The following IGLON5 variants were observed in gnomAD, a reference collection of about 807,000 sequenced individuals.
IGLON5 encodes Ig-like domain-containing protein ENSP00000270642.
A neutral mutation model predicts 38.2 loss-of-function variants in IGLON5; 16 were observed. The ratio of observed to expected loss-of-function variants is 0.42; its 90% CI spans 0.28 to 0.64. The LOEUF (loss-of-function observed/expected upper bound fraction) is 0.64. IGLON5 is among the 30% of genes least tolerant of loss of function. The pLI is 0.23. For missense variants in IGLON5, 366 were observed against 483.4 expected (o/e 0.76, Z 2.28); for synonymous variants, 207 against 216.4 (o/e 0.96, Z 0.38).
At position 51,327,634 on chromosome 19, in the gene IGLON5, G is replaced by C; in HGVS notation, c.768-98G>C. ...AGGCGATGGGTCACTGGGGTAGGGGGCAGAATGCTGGGTCACCGGGGAACG... is the reference window on the plus strand; with the variant it reads ...AGGCGATGGGTCACTGGGGTAGGGGCCAGAATGCTGGGTCACCGGGGAACG... On this transcript the variant is annotated intron_variant, in intron 6 of 7. Transcript: ENST00000270642. The surrounding 1 kb of genome is among the most constrained non-coding windows in gnomAD (Gnocchi z 7.1). The C allele has an allele frequency of 6.7e-7, 1 of 1,497,696 alleles. No homozygotes were observed. Among genetic ancestry groups the C allele is most frequent in the Non-Finnish European group, 8.9e-7 (1 of 1,121,082 alleles). 92.8% of individuals were successfully genotyped at this position (1,497,696 alleles called of 1,614,324 possible).
intron 3 of IGLON5, 100 bp downstream of exon 3, chr19:51,323,994 C>T: frequency 1.3e-6 from 1 of 799,796 alleles, no homozygotes; most frequent in Non-Finnish European, 2.0e-6. Flanking sequence ...CCCAGGGATA[C>T]ATAGCGAGAA....
intron 1 of IGLON5, among the ~76,000 whole-genome samples, chr19:51,316,430 G>A (rs1362444754): frequency 6.6e-6 from 1 of 150,846 alleles, no homozygotes. Context: ...GGACTCCCCT[G>A]GTGTCGGTGA....
At chr19:51,316,579 C>T (rs1440085247) in intron 1 of IGLON5, among the ~76,000 whole-genome samples, 4 of 150,592 alleles carry the variant, frequency 2.7e-5, no homozygotes, top group African/African-American at 9.8e-5. Context: ...CTGCAACCTC[C>T]GCATCCTGGG....
In IGLON5 at chr19:51,330,071, T is replaced by G. The variant is rs1985317210; in HGVS notation, c.*1312T>G. On this transcript the variant is annotated 3_prime_UTR_variant, in exon 8 of 8. Coordinates refer to ENST00000270642, the MANE Select transcript of IGLON5 (RefSeq NM_001101372.3). ...CAGACATCCTGAGCCCAGACAAAGA[T>G]GCCATGTCACCAACTCCGACTCCCA... is the stretch of plus-strand genomic sequence containing the variant. The G allele has an allele frequency of 6.6e-6, 1 of 152,314 alleles. No homozygotes were observed. The highest frequency in any genetic ancestry group is 1.9e-4 in the East Asian group (1 of 5,192). The allele number at this position is 152,314 out of a possible 1,614,324, so 9.4% of individuals were successfully genotyped here. A position where few individuals can be genotyped will look rare whatever the true frequency, so the allele number is the denominator to read the frequency against.
chr19:51,320,033 A>ATGTG (rs59294317), intron 1 of IGLON5, among the ~76,000 whole-genome samples: 26 of 151,340 alleles, frequency 1.7e-4, no homozygotes, highest in South Asian at 8.3e-4. Flanking sequence ...CTGTGTGTGT[A>ATGTG]TGTGTGTGTG....
rs1985206089 is a variant in IGLON5 at position 51,325,948 on chromosome 19, G to C, written c.511+483G>C. Among the ~76,000 whole-genome samples, 1 of 152,046 alleles carries C rather than the reference G, an allele frequency of 6.6e-6. No individual in the cohort carries two copies. Among genetic ancestry groups the C allele is most frequent in the African/African-American group, 2.4e-5 (1 of 41,388 alleles). The stretch of plus-strand genomic sequence containing the variant: ...ACTTGCCAGGAATGCACTTTCCCAG[G>C]CTCCAACCAAGACCTGCTAAATCCA... On this transcript the variant is annotated intron_variant, in intron 4 of 7. Transcript: ENST00000270642. The surrounding 1 kb of genome is among the most constrained non-coding windows in gnomAD (Gnocchi z 5.5).
chr19:51,330,591 T>C lies in IGLON5; in HGVS notation c.*1832T>C, dbSNP rs533843685. Among the ~76,000 whole-genome samples the C allele has an allele frequency of 6.6e-6, 1 of 152,270 alleles. No homozygotes were observed. The highest frequency in any genetic ancestry group is 2.4e-5 in the African/African-American group (1 of 41,562). On this transcript the variant is annotated 3_prime_UTR_variant, in exon 8 of 8. Coordinates refer to ENST00000270642, the MANE Select transcript of IGLON5 (RefSeq NM_001101372.3). ...TGACCCAGTAAGGCTAATGAGAAAG[T>C]GAATGGATTCCCAAGAAGAGATGCT...
chr19:51,316,882 C>T (rs911785789), intron 1 of IGLON5, among the ~76,000 whole-genome samples: 5 of 152,128 alleles, frequency 3.3e-5, no homozygotes, highest in African/African-American at 1.2e-4. Flanking sequence ...CCCCTTCTCA[C>T]AGCCTTTCCC....
chr19:51,328,049 A>G (rs939790545), intron 7 of IGLON5, among the ~76,000 whole-genome samples, 163 bp downstream of exon 7: 3 of 152,204 alleles, frequency 2.0e-5, no homozygotes, highest in African/African-American at 7.2e-5. Flanking sequence ...CGCAATCAAT[A>G]TTCATTGAGT....
Position 51,320,007 on chromosome 19 carries a change from C to T in IGLON5, c.80-2057C>T, listed in dbSNP as rs372217939. On this transcript the variant is annotated intron_variant, in intron 1 of 7. Transcript: ENST00000270642. ...CTATTTCTAGGCCTGGAGAGGTCTCCGTGCCTTGTCCAAGCCTGTGTGTGT... is the reference window on the plus strand; with the variant it reads ...CTATTTCTAGGCCTGGAGAGGTCTCTGTGCCTTGTCCAAGCCTGTGTGTGT... Among the ~76,000 whole-genome samples, 7 of 150,280 alleles carry T rather than the reference C, an allele frequency of 4.7e-5. No homozygotes were observed. In the East Asian group the frequency reaches 7.9e-4, roughly 17 times the overall value.
At chr19:51,312,283 G>C (rs1377422773) in intron 1 of IGLON5, among the ~76,000 whole-genome samples, 1 of 151,776 alleles carries the variant, frequency 6.6e-6, no homozygotes, top group Non-Finnish European at 1.5e-5. Flanking sequence ...CGGGGTCCCC[G>C]GGTCGGATCT....
chr19:51,325,246 G>C lies in IGLON5; in HGVS notation c.392-100G>C. 2 of 1,521,224 alleles carry C rather than the reference G, an allele frequency of 1.3e-6. No homozygotes were observed. The highest frequency in any genetic ancestry group is 2.4e-5 in the South Asian group (2 of 83,432). The allele number at this position is 1,521,224 out of a possible 1,614,324, so 94.2% of individuals were successfully genotyped here. ...GGTCTGAACTCCTGGGTCTGAGGGAGGAGGAGGGGCTGGGGGTCTGGACTC... is the reference window on the plus strand; with the variant it reads ...GGTCTGAACTCCTGGGTCTGAGGGACGAGGAGGGGCTGGGGGTCTGGACTC... On this transcript the variant is annotated intron_variant, in intron 3 of 7. Coordinates refer to ENST00000270642, the MANE Select transcript of IGLON5 (RefSeq NM_001101372.3). This position sits in a 1 kb window ranked among gnomAD's most constrained non-coding sequence, Gnocchi z 5.5.
rs1984774217 is a variant in IGLON5 at position 51,311,923 on chromosome 19, C to G, written c.76C>G (p.Arg26Gly). Residue 26 changes from arginine to glycine, a missense_variant, in exon 1 of 8, where the codon CGA (arginine) becomes GGA (glycine). Physicochemically the swap from Arg to Gly is moderately radical, Grantham distance 125. Coordinates refer to ENST00000270642, the MANE Select transcript of IGLON5 (RefSeq NM_001101372.3). ...CCTGGCCGGCTTGGCCGTCATCAGCCGAGGTACCGCAGCGCCGGGGGCGGG... is the reference window on the plus strand; with the variant it reads ...CCTGGCCGGCTTGGCCGTCATCAGCGGAGGTACCGCAGCGCCGGGGGCGGG... ...AALAGLAVIS[R>G]GLLSQSLEFN... is the part of the protein sequence containing the mutation. 2.5e-5 allele frequency: 33 copies of G among 1,345,378 alleles called. No individual in the cohort carries two copies. Among genetic ancestry groups the G allele is most frequent in the Non-Finnish European group, 3.2e-5 (33 of 1,046,378 alleles). 83.3% of individuals were successfully genotyped at this position (1,345,378 alleles called of 1,614,324 possible). A position where few individuals can be genotyped will look rare whatever the true frequency, so the allele number is the denominator to read the frequency against.
At chr19:51,317,896 C>G (rs1476291738) in intron 1 of IGLON5, among the ~76,000 whole-genome samples, 2 of 152,176 alleles carry the variant, frequency 1.3e-5, no homozygotes, top group African/African-American at 4.8e-5. Flanking sequence ...GGTCATCCAG[C>G]TAGGAAGTGG....
At position 51,327,596 on chromosome 19, in the gene IGLON5, G is replaced by A; in HGVS notation, c.768-136G>A. 7.8e-7 allele frequency: 1 copy of A among 1,283,172 alleles called. No individual in the cohort carries two copies. Among genetic ancestry groups the A allele is most frequent in the Admixed American group, 2.4e-5 (1 of 41,976 alleles). The allele number at this position is 1,283,172 out of a possible 1,614,324, so 79.5% of individuals were successfully genotyped here. A position where few individuals can be genotyped will look rare whatever the true frequency, so the allele number is the denominator to read the frequency against. On this transcript the variant is annotated intron_variant, in intron 6 of 7. Coordinates refer to ENST00000270642, the MANE Select transcript of IGLON5 (RefSeq NM_001101372.3). This position sits in a 1 kb window ranked among gnomAD's most constrained non-coding sequence, Gnocchi z 7.1. Reference sequence around the variant, plus strand: ...GTGGGAGTGACCCGAGGTACATGAGGTGCTAGAACCCGAGGCGATGGGTCA... The same window carrying A: ...GTGGGAGTGACCCGAGGTACATGAGATGCTAGAACCCGAGGCGATGGGTCA...
intron 1 of IGLON5, among the ~76,000 whole-genome samples, chr19:51,313,227 C>G (rs566164523): frequency 5.0e-4 from 76 of 152,322 alleles, no homozygotes; most frequent in Admixed American, 1.2e-3. Context: ...TCCCACCTGA[C>G]CAGTCTGAAT....
chr19:51,325,493 C>A lies in IGLON5; in HGVS notation c.511+28C>A. 6.3e-7 allele frequency: 1 copy of A among 1,593,904 alleles called. No homozygotes were observed. The highest frequency in any genetic ancestry group is 1.1e-5 in the South Asian group (1 of 88,384). On this transcript the variant is annotated intron_variant, in intron 4 of 7. Transcript: ENST00000270642. This position sits in a 1 kb window ranked among gnomAD's most constrained non-coding sequence, Gnocchi z 5.5. Reference sequence around the variant, plus strand: ...GAGGACCCCATCCCAGGTCAAAAGCCCCGTCCCCCACTGCGCAGTCTGGGC... The same window carrying A: ...GAGGACCCCATCCCAGGTCAAAAGCACCGTCCCCCACTGCGCAGTCTGGGC...
chr19:51,317,611 G>T (rs575948660), intron 1 of IGLON5, among the ~76,000 whole-genome samples: 1 of 152,204 alleles, frequency 6.6e-6, no homozygotes, highest in Non-Finnish European at 1.5e-5. Flanking sequence ...GCAACTGACA[G>T]CCCAGATACA....
At chr19:51,323,230 C>T (rs1313338209) in intron 2 of IGLON5, among the ~76,000 whole-genome samples, 1 of 139,492 alleles carries the variant, frequency 7.2e-6, no homozygotes, top group Non-Finnish European at 1.6e-5. Context: ...CCCCCTCTGT[C>T]TCTGGGTCTC....
Sources: gnomAD v4.1 joint callset for allele counts (sites outside exome capture counted in the v4.1 genomes callset) on GRCh38, gnomAD v4.1.1 for gene constraint, Gnocchi (gnomAD v3.1) non-coding constraint, MANE v1.5 for transcripts, NCBI Gene and HGNC (gene_info 2026-07-23, HGNC 2026-07-21) for gene names.